Variants in PTPRJ observed in about 807,000 individuals in gnomAD.
PTPRJ encodes protein tyrosine phosphatase receptor type J.
In PTPRJ, 129 loss-of-function variants were observed where a neutral mutation model predicts 141.3. The ratio of observed to expected loss-of-function variants is 0.91; its 90% CI spans 0.79 to 1.06. The LOEUF (loss-of-function observed/expected upper bound fraction) is 1.06. Among genes scored for constraint, PTPRJ ranks in the 50% least tolerant of loss-of-function variants. PTPRJ has a pLI of 0.00. For missense variants in PTPRJ, 1,601 were observed against 1,679.7 expected, an observed-to-expected ratio of 0.95 and a Z score of 0.82; for synonymous variants, 610 against 640.5, an observed-to-expected ratio of 0.95 and a Z score of 0.72.
intron 1 of PTPRJ, among the ~76,000 whole-genome samples, chr11:48,075,701 G>T (rs138449679): frequency 0.02 from 3,110 of 152,252 alleles, 39 homozygotes; most frequent in Middle Eastern, 0.034. Context: ...CCAGAGTGCT[G>T]CGATTACAGG....
In PTPRJ at chr11:48,033,612, A is replaced by T. The variant is rs556552966; in HGVS notation, c.96+52604A>T. Among the ~76,000 whole-genome samples, 7 of 152,276 alleles carry T rather than the reference A, an allele frequency of 4.6e-5. No homozygotes were observed. The East Asian group carries it at 1.4e-3, about 29-fold the overall frequency. Reference sequence around the variant, plus strand: ...GCTCCAAACGTGTGCTATGGGATGGATTAACTGTGTGGGTGTGGAAATCCC... The same window carrying T: ...GCTCCAAACGTGTGCTATGGGATGGTTTAACTGTGTGGGTGTGGAAATCCC... On this transcript the variant is annotated intron_variant, in intron 1 of 24. Coordinates refer to ENST00000418331, the MANE Select transcript of PTPRJ (RefSeq NM_002843.4).
intron 22 of PTPRJ, among the ~76,000 whole-genome samples, chr11:48,161,340 G>A (rs1205959368): frequency 6.6e-6 from 1 of 152,112 alleles, no homozygotes; most frequent in African/African-American, 2.4e-5. Context: ...AGATTCACTG[G>A]AGTTGAATCT....
chr11:48,153,089 C>A (rs189213030), intron 18 of PTPRJ, among the ~76,000 whole-genome samples: 1 of 152,260 alleles, frequency 6.6e-6, no homozygotes, highest in African/African-American at 2.4e-5. Flanking sequence ...TACAGAAAGC[C>A]AATCACTGAG....
At chr11:48,114,999 T>C (rs1856530168) in intron 3 of PTPRJ, among the ~76,000 whole-genome samples, 1 of 152,044 alleles carries the variant, frequency 6.6e-6, no homozygotes, top group African/African-American at 2.4e-5. Flanking sequence ...TTTGAAAATA[T>C]ACAGAGGAGG....
chr11:48,147,874 T>C (rs1857388269), intron 15 of PTPRJ, among the ~76,000 whole-genome samples: 1 of 150,058 alleles, frequency 6.7e-6, no homozygotes, highest in South Asian at 2.1e-4. Flanking sequence ...TGAGATGGAG[T>C]CTGGCTCTGT....
intron 1 of PTPRJ, among the ~76,000 whole-genome samples, chr11:48,064,966 C>T (rs976763626): frequency 2.0e-5 from 3 of 148,504 alleles, no homozygotes; most frequent in African/African-American, 7.4e-5. Context: ...AGGTTCTCCA[C>T]AGCACCAGTG....
intron 1 of PTPRJ, among the ~76,000 whole-genome samples, chr11:48,008,284 G>A (rs138132000): frequency 2.6e-3 from 398 of 152,192 alleles, no homozygotes; most frequent in Middle Eastern, 0.02. Context: ...TTTTTGAGAC[G>A]GAGTCTCGCT....
intron 1 of PTPRJ, among the ~76,000 whole-genome samples, chr11:48,031,937 AC>A (rs908500914): frequency 1.6e-4 from 24 of 151,976 alleles, no homozygotes; most frequent in African/African-American, 5.8e-4. Context: ...TTGCTTATGC[AC>A]CCTCCCCACC....
At chr11:48,046,408 T>C (rs972662544) in intron 1 of PTPRJ, 4 of 152,134 alleles carry the variant, frequency 2.6e-5, no homozygotes, top group African/African-American at 9.7e-5. Context: ...CTCTGTCTTA[T>C]AGGTAAGGAA....
chr11:48,031,649 C>T (rs73464824), intron 1 of PTPRJ, among the ~76,000 whole-genome samples: 6,889 of 152,202 alleles, frequency 0.045, 516 homozygotes, highest in African/African-American at 0.16. Context: ...ATCCTGGCTG[C>T]GCTCCTTACT....
Position 48,137,104 on chromosome 11 carries a change from C to T in PTPRJ, c.1975C>T (p.Leu659Phe). The change falls in exon 10 of 25, where the codon CTT becomes TTT. Residue 659 changes from leucine to phenylalanine, a missense_variant. Transcript: ENST00000418331. ...DDASPTYSYC[L>F]LIEKAGNSSN... ...CGCCTCTCCCACGTACTCCTACTGC[C>T]TTCTTATTGAGAAGGCTGGAAATTC... 3 of 1,609,628 alleles carry T rather than the reference C, an allele frequency of 1.9e-6. No individual in the cohort carries two copies. Among genetic ancestry groups the T allele is most frequent in the Non-Finnish European group, 2.6e-6 (3 of 1,175,878 alleles).
chr11:48,157,005 T>C (rs931315419), intron 21 of PTPRJ, among the ~76,000 whole-genome samples: 1 of 152,196 alleles, frequency 6.6e-6, no homozygotes. Context: ...AGATTTTTTT[T>C]TTTTAGATGG....
rs948357727 is a variant in PTPRJ at position 47,981,093 on chromosome 11, G to C, written c.96+85G>C. 3.4e-6 allele frequency: 4 copies of C among 1,167,376 alleles called. No individual in the cohort carries two copies. In the African/African-American group the frequency reaches 4.8e-5, roughly 14 times the overall value. 72.3% of individuals were successfully genotyped at this position (1,167,376 alleles called of 1,614,324 possible). ...GCACCTGCCCGAGCGTACCCCCCCG[G>C]GGGGTTCCGGGGAAGGGGGCGGGGG... is the stretch of plus-strand genomic sequence containing the variant. On this transcript the variant is annotated intron_variant, in intron 1 of 24. Transcript: ENST00000418331.
At chr11:48,051,622 C>T (rs1160147110) in intron 1 of PTPRJ, among the ~76,000 whole-genome samples, 5 of 152,160 alleles carry the variant, frequency 3.3e-5, no homozygotes, top group African/African-American at 7.2e-5. Flanking sequence ...TACTATAAGC[C>T]AGCCACTGAC....
Position 48,065,262 on chromosome 11 carries a change from C to T in PTPRJ, c.97-44796C>T, listed in dbSNP as rs1855055320. Among the ~76,000 whole-genome samples, 3 of 152,192 alleles carry T rather than the reference C, an allele frequency of 2.0e-5. No individual in the cohort carries two copies. The South Asian group carries it at 6.2e-4, about 32-fold the overall frequency. ...CTCCCGACCTCAGGTGATCTGCCTG[C>T]CTCTGCCTCCCAAAGTGATGGGATT... On this transcript the variant is annotated intron_variant, in intron 1 of 24. Transcript: ENST00000418331.
intron 1 of PTPRJ, among the ~76,000 whole-genome samples, chr11:48,036,576 A>G (rs1854128648): frequency 6.6e-6 from 1 of 152,078 alleles, no homozygotes; most frequent in Admixed American, 6.5e-5. Context: ...TCTACATATT[A>G]TTACTCCACC....
intron 1 of PTPRJ, among the ~76,000 whole-genome samples, chr11:48,045,579 T>G (rs1854372244): frequency 6.6e-6 from 1 of 152,232 alleles, no homozygotes; most frequent in African/African-American, 2.4e-5. Flanking sequence ...TCTTCCCTTC[T>G]CTCCGCCTCC....
At chr11:48,109,231 T>G (rs1856375224) in intron 1 of PTPRJ, among the ~76,000 whole-genome samples, 2 of 151,958 alleles carry the variant, frequency 1.3e-5, no homozygotes. Flanking sequence ...AGGAGGACGG[T>G]TTTTTCCACC....
rs1857835994 is a variant in PTPRJ, at chr11:48,163,477, A to G, written c.3578A>G (p.His1193Arg). 2 of 1,613,732 alleles carry G rather than the reference A, an allele frequency of 1.2e-6. No homozygotes were observed. The highest frequency in any genetic ancestry group is 3.3e-5 in the Admixed American group (2 of 59,980). ...TVKNIQTSES[H>R]PLRQFHFTSW... ...TTTTAGATCCAGACAAGTGAGAGTC[A>G]CCCTCTGAGACAGTTCCATTTCACC... Residue 1193 changes from histidine (H) to arginine (R), a missense_variant, in exon 23 of 25, where the codon CAC (histidine) becomes CGC (arginine). Transcript: ENST00000418331.
Sources: allele counts gnomAD v4.1 joint callset (sites outside exome capture counted in the v4.1 genomes callset), GRCh38; gene constraint gnomAD v4.1.1; transcripts MANE v1.5; gene names NCBI Gene and HGNC (gene_info 2026-07-23, HGNC 2026-07-21).